Variants in TRPC4 observed in about 807,000 individuals in gnomAD.
TRPC4 encodes short transient receptor potential channel 4.
A neutral mutation model predicts 99.4 loss-of-function variants in TRPC4; 49 were observed. That is an observed-to-expected ratio of 0.49 (90% CI 0.39 to 0.63). TRPC4 has a LOEUF of 0.63. Among genes scored for constraint, TRPC4 ranks in the 20% least tolerant of loss-of-function variants. The pLI is 0.00. For missense variants in TRPC4, 898 were observed against 1,152.9 expected (o/e 0.78, Z 3.20); for synonymous variants, 454 against 425.9 (o/e 1.07, Z -0.81).
intron 1 of TRPC4, among the ~76,000 whole-genome samples, chr13:37,784,801 T>G (rs1211472750): frequency 1.4e-4 from 22 of 152,058 alleles, no homozygotes; most frequent in Admixed American, 1.4e-3. Flanking sequence ...ATTACCTCAA[T>G]TTATTATTTT....
In TRPC4 at chr13:37,753,575, A is replaced by AAGAGAGAGAGAG. The variant is rs61394712; in HGVS notation, c.379-7132_379-7121dup. ...AGAGAAAGAAAGAGAGAGAGAGAGAAAGAGAGAGAGAGAGAGAGAGAGAGA... is the reference window on the plus strand; with the variant it reads ...AGAGAAAGAAAGAGAGAGAGAGAGAAAGAGAGAGAGAGAGAGAGAGAGAGAGAGAGAGAGAGA... On this transcript the variant is annotated intron_variant, in intron 2 of 10. Coordinates refer to ENST00000379705, the MANE Select transcript of TRPC4 (RefSeq NM_016179.4). Among the ~76,000 whole-genome samples, 232 of 137,320 alleles carry AAGAGAGAGAGAG rather than the reference A, an allele frequency of 1.7e-3. 1 individual carries two copies. Among genetic ancestry groups the AAGAGAGAGAGAG allele is most frequent in the Middle Eastern group, 7.9e-3 (2 of 252 alleles). 90.1% of individuals were successfully genotyped at this position (137,320 alleles called of 152,430 possible).
At chr13:37,844,613 G>A (rs1462739082) in intron 1 of TRPC4, among the ~76,000 whole-genome samples, 2 of 152,000 alleles carry the variant, frequency 1.3e-5, no homozygotes, top group Non-Finnish European at 2.9e-5. Context: ...GATCTTTCAG[G>A]CTTGAATCCC....
chr13:37,749,260 C>G (rs191855992), intron 2 of TRPC4, among the ~76,000 whole-genome samples: 218 of 152,192 alleles, frequency 1.4e-3, no homozygotes, highest in Non-Finnish European at 2.7e-3. Flanking sequence ...ATTACCCAGT[C>G]TCAGGTAGTG....
At chr13:37,750,206 T>A (rs1320747842) in intron 2 of TRPC4, among the ~76,000 whole-genome samples, 1 of 152,206 alleles carries the variant, frequency 6.6e-6, no homozygotes, top group East Asian at 1.9e-4. Context: ...ATTTCTATTT[T>A]ATTTCATTTC....
At chr13:37,743,552 A>G (rs1424191879) in intron 3 of TRPC4, among the ~76,000 whole-genome samples, 5 of 152,130 alleles carry the variant, frequency 3.3e-5, no homozygotes, top group African/African-American at 1.2e-4. Context: ...TCAATGTTTC[A>G]TTGTCTCTCC....
At chr13:37,683,920 AT>A (rs1156708068) in intron 4 of TRPC4, among the ~76,000 whole-genome samples, 1 of 152,202 alleles carries the variant, frequency 6.6e-6, no homozygotes, top group African/African-American at 2.4e-5. Flanking sequence ...ATAACTTGAA[AT>A]TTCAGAAAAT....
chr13:37,705,792 C>A (rs1471665960), intron 3 of TRPC4, among the ~76,000 whole-genome samples: 4 of 152,156 alleles, frequency 2.6e-5, no homozygotes, highest in African/African-American at 9.7e-5. Context: ...TCCTGTACGA[C>A]ACTTTCTCTG....
At chr13:37,691,400 G>A (rs1457154586) in intron 4 of TRPC4, among the ~76,000 whole-genome samples, 2 of 152,120 alleles carry the variant, frequency 1.3e-5, no homozygotes, top group African/African-American at 2.4e-5. Flanking sequence ...CACTGCACCC[G>A]GCGGGAAAAC....
intron 4 of TRPC4, among the ~76,000 whole-genome samples, chr13:37,691,128 G>T (rs1953684502): frequency 6.6e-6 from 1 of 151,870 alleles, no homozygotes; most frequent in Non-Finnish European, 1.5e-5. Context: ...TTGAGACAGA[G>T]TCTCACTCTG....
intron 1 of TRPC4, among the ~76,000 whole-genome samples, chr13:37,834,737 A>AT (rs969078877): frequency 3.3e-5 from 5 of 151,820 alleles, no homozygotes; most frequent in Non-Finnish European, 5.9e-5. Context: ...TATTTATTAC[A>AT]TTTTTTTGAG....
At chr13:37,726,730 C>T (rs74047138) in intron 3 of TRPC4, among the ~76,000 whole-genome samples, 80 of 151,390 alleles carry the variant, frequency 5.3e-4, no homozygotes, top group African/African-American at 1.8e-3. Flanking sequence ...AATTCAAACA[C>T]GTAAATAGTT....
intron 4 of TRPC4, among the ~76,000 whole-genome samples, chr13:37,688,812 C>A (rs902031109): frequency 1.4e-4 from 22 of 152,050 alleles, no homozygotes; most frequent in African/African-American, 5.3e-4. Context: ...ACCACTGAGA[C>A]AATTAACATG....
In TRPC4 at chr13:37,632,533, T is replaced by C. The variant is rs1440577519; in HGVS notation, c.*4370A>G. Among the ~76,000 whole-genome samples, 1 of 152,120 alleles carries C rather than the reference T, an allele frequency of 6.6e-6. No individual in the cohort carries two copies. Among genetic ancestry groups the C allele is most frequent in the Non-Finnish European group, 1.5e-5 (1 of 68,028 alleles). ...TGAACAGTGCAGCTCTAGAGGAAAT[T>C]AACGGTTTTGCTACTGGTGAATTTG... On this transcript the variant is annotated 3_prime_UTR_variant, in exon 11 of 11. Coordinates refer to ENST00000379705, the MANE Select transcript of TRPC4 (RefSeq NM_016179.4).
intron 4 of TRPC4, 147 bp from the exon 5 acceptor site, chr13:37,674,514 A>T (rs778390589): frequency 4.9e-6 from 4 of 815,818 alleles, no homozygotes; most frequent in Non-Finnish European, 5.6e-6. Context: ...AGGTAATAAC[A>T]CTGAGTCCCA....
intron 3 of TRPC4, among the ~76,000 whole-genome samples, chr13:37,713,594 G>T (rs1368509717): frequency 6.6e-6 from 1 of 152,128 alleles, no homozygotes; most frequent in Non-Finnish European, 1.5e-5. Flanking sequence ...TTTATAAAGG[G>T]ACTAAAAGAA....
intron 3 of TRPC4, among the ~76,000 whole-genome samples, chr13:37,745,147 A>G (rs1593639651): frequency 6.6e-6 from 1 of 152,046 alleles, no homozygotes; most frequent in African/African-American, 2.4e-5. Flanking sequence ...ACACATCCAC[A>G]TATTTTACAC....
chr13:37,827,935 G>A (rs1171891620), intron 1 of TRPC4, among the ~76,000 whole-genome samples: 5 of 152,178 alleles, frequency 3.3e-5, no homozygotes, highest in Non-Finnish European at 5.9e-5. Flanking sequence ...CTCCATGGGC[G>A]TAGGACCCTC....
intron 8 of TRPC4, among the ~76,000 whole-genome samples, chr13:37,643,791 T>C (rs1951792894): frequency 6.6e-6 from 1 of 152,164 alleles, no homozygotes; most frequent in African/African-American, 2.4e-5. Flanking sequence ...AAGTGTAATT[T>C]CATTGATAGT....
At chr13:37,673,045 G>A (rs1305302012) in intron 5 of TRPC4, among the ~76,000 whole-genome samples, 4 of 151,500 alleles carry the variant, frequency 2.6e-5, no homozygotes, top group Non-Finnish European at 2.9e-5. Flanking sequence ...TGCTGCACCC[G>A]TTAACTCATC....
Sources: gnomAD v4.1 joint callset for allele counts (sites outside exome capture counted in the v4.1 genomes callset) on GRCh38, gnomAD v4.1.1 for gene constraint, MANE v1.5 for transcripts, NCBI Gene and HGNC (gene_info 2026-07-23, HGNC 2026-07-21) for gene names.